ADAMTS19: variants seen among roughly 807,000 people sequenced by gnomAD.
The protein encoded by ADAMTS19 is ADAM metallopeptidase with thrombospondin type 1 motif 19.
Under a neutral mutation model 153.3 loss-of-function variants are expected in ADAMTS19, and 93 were observed. The ratio of observed to expected loss-of-function variants is 0.61; its 90% CI spans 0.51 to 0.72. ADAMTS19 has a LOEUF of 0.72. Ranked by LOEUF, ADAMTS19 falls within the 30% of genes least tolerant of loss-of-function variation. The pLI, the probability that ADAMTS19 is intolerant of heterozygous loss-of-function variation, is 0.00. For synonymous variants in ADAMTS19, 600 were observed against 556.6 expected (o/e 1.08, Z -1.10); for missense variants, 1,482 against 1,552.1 (o/e 0.95, Z 0.76).
In ADAMTS19 at chr5:129,622,193, G is replaced by A. The variant is rs747937132; in HGVS notation, c.1620-5G>A. ...AAAAGTTTACACATACCTGCCTATTGCCAGGTCAAAGGCCAGTAACTGCTT... is the reference window on the plus strand; with the variant it reads ...AAAAGTTTACACATACCTGCCTATTACCAGGTCAAAGGCCAGTAACTGCTT... On this transcript the variant is annotated splice_region_variant and splice_polypyrimidine_tract_variant and intron_variant, in intron 9 of 22. Coordinates refer to ENST00000274487, the MANE Select transcript of ADAMTS19 (RefSeq NM_133638.6). 4 of 1,613,900 alleles carry A rather than the reference G, an allele frequency of 2.5e-6. No individual in the cohort carries two copies. In the East Asian group the frequency reaches 8.9e-5, roughly 36 times the overall value.
chr5:129,460,980 C>A lies in ADAMTS19; in HGVS notation c.92-122C>A, dbSNP rs1749626924. Reference sequence around the variant, plus strand: ...GGGTTGCAGAGTTTCAGGGTCTAGACGGGTGGTCTCCATTGCATTCAACGC... The same window carrying A: ...GGGTTGCAGAGTTTCAGGGTCTAGAAGGGTGGTCTCCATTGCATTCAACGC... On this transcript the variant is annotated intron_variant, in intron 1 of 22. Transcript: ENST00000274487. 5 of 1,235,272 alleles carry A rather than the reference C, an allele frequency of 4.0e-6. No homozygotes were observed. The Admixed American group carries it at 2.0e-4, about 50-fold the overall frequency. 76.5% of individuals were successfully genotyped at this position (1,235,272 alleles called of 1,614,324 possible).
intron 15 of ADAMTS19, among the ~76,000 whole-genome samples, chr5:129,659,714 G>A (rs569048918): frequency 6.6e-6 from 1 of 151,994 alleles, no homozygotes; most frequent in Admixed American, 6.6e-5. Context: ...CCAAGTAGCC[G>A]GGACTAGAGG....
In ADAMTS19 at chr5:129,625,102, C is replaced by T. The variant is rs555581475; in HGVS notation, c.1770+2754C>T. ...AACATGGGTTGTTTGGTTTTCTGACCTTGCAATAGTTTGCTCAGAATGATG... is the reference window on the plus strand; with the variant it reads ...AACATGGGTTGTTTGGTTTTCTGACTTTGCAATAGTTTGCTCAGAATGATG... On this transcript the variant is annotated intron_variant, in intron 10 of 22. Coordinates refer to ENST00000274487, the MANE Select transcript of ADAMTS19 (RefSeq NM_133638.6). Among the ~76,000 whole-genome samples, 41 of 152,108 alleles carry T rather than the reference C, an allele frequency of 2.7e-4. 1 individual carries two copies. In the South Asian group the frequency reaches 8.5e-3, roughly 32 times the overall value.
chr5:129,578,041 TAC>T (rs748371915), intron 7 of ADAMTS19, among the ~76,000 whole-genome samples: 22,054 of 98,422 alleles, frequency 0.22, 3,090 homozygotes, highest in East Asian at 0.35. Flanking sequence ...CAAACTTACA[TAC>T]ACACACACAC....
At chr5:129,589,570 T>TGTA (rs1412641943) in intron 7 of ADAMTS19, among the ~76,000 whole-genome samples, 1 of 152,104 alleles carries the variant, frequency 6.6e-6, no homozygotes, top group Non-Finnish European at 1.5e-5. Flanking sequence ...CACCAATAAT[T>TGTA]GTATATGAAG....
At chr5:129,685,292 G>A (rs1314303587) in intron 18 of ADAMTS19, among the ~76,000 whole-genome samples, 2 of 151,924 alleles carry the variant, frequency 1.3e-5, no homozygotes, top group African/African-American at 4.8e-5. Flanking sequence ...ATTGAAACTT[G>A]GGGTATGCCA....
intron 18 of ADAMTS19, among the ~76,000 whole-genome samples, chr5:129,684,741 A>G (rs1372906270): frequency 6.6e-6 from 1 of 152,018 alleles, no homozygotes; most frequent in Admixed American, 6.6e-5. Flanking sequence ...TAATCCCAGC[A>G]CTCTGGGAGG....
chr5:129,543,504 C>T (rs1242325116), intron 6 of ADAMTS19, among the ~76,000 whole-genome samples: 1 of 152,170 alleles, frequency 6.6e-6, no homozygotes, highest in Non-Finnish European at 1.5e-5. Context: ...TGTAACATTA[C>T]ATTATGTCTA....
intron 3 of ADAMTS19, among the ~76,000 whole-genome samples, chr5:129,524,797 ACAGATATCTCCCTTGTGCCCATGCC>A (rs1751949233): frequency 6.6e-6 from 1 of 151,704 alleles, no homozygotes; most frequent in Non-Finnish European, 1.5e-5. Flanking sequence ...TATCAACACC[ACAGATATCTCCCTTGTGCCCATGCC>A]CAGGCTCTAA....
At chr5:129,676,461 A>G (rs775573816) in intron 16 of ADAMTS19, among the ~76,000 whole-genome samples, 2 of 152,084 alleles carry the variant, frequency 1.3e-5, no homozygotes, top group Non-Finnish European at 2.9e-5. Flanking sequence ...AACTCACTGA[A>G]GCCCTCGCCC....
chr5:129,545,168 T>A (rs890428623), intron 6 of ADAMTS19, among the ~76,000 whole-genome samples: 3 of 151,780 alleles, frequency 2.0e-5, no homozygotes, highest in East Asian at 1.9e-4. Flanking sequence ...AAATAAAAAA[T>A]TTCAAAATAT....
chr5:129,694,365 A>G (rs190467479), intron 18 of ADAMTS19, among the ~76,000 whole-genome samples: 1 of 152,264 alleles, frequency 6.6e-6, no homozygotes, highest in East Asian at 1.9e-4. Flanking sequence ...AGTTGATGGA[A>G]GAAATAAGAC....
intron 13 of ADAMTS19, among the ~76,000 whole-genome samples, chr5:129,653,958 A>T (rs181282617): frequency 1.8e-4 from 27 of 152,306 alleles, no homozygotes; most frequent in Admixed American, 1.3e-3. Flanking sequence ...GATGAAGAGG[A>T]TATCATTTCA....
At chr5:129,711,880 C>T (rs1018401102) in intron 21 of ADAMTS19, among the ~76,000 whole-genome samples, 1 of 152,030 alleles carries the variant, frequency 6.6e-6, no homozygotes, top group Admixed American at 6.6e-5. Context: ...AGTATTTCTC[C>T]TTTCTTTCTG....
chr5:129,632,655 A>G (rs1752353227), intron 10 of ADAMTS19, among the ~76,000 whole-genome samples: 1 of 151,910 alleles, frequency 6.6e-6, no homozygotes, highest in African/African-American at 2.4e-5. Context: ...ATATATTTTC[A>G]CTAGATATAA....
intron 2 of ADAMTS19, among the ~76,000 whole-genome samples, chr5:129,506,049 G>C (rs1300823576): frequency 1.3e-5 from 2 of 152,198 alleles, no homozygotes; most frequent in Non-Finnish European, 2.9e-5. Context: ...CACTTGTGCA[G>C]AAAGGTTAAT....
chr5:129,482,819 C>T (rs373342556), intron 2 of ADAMTS19, among the ~76,000 whole-genome samples: 2 of 152,068 alleles, frequency 1.3e-5, no homozygotes, highest in African/African-American at 4.8e-5. Context: ...ATGCTCAGTC[C>T]CATGTCACAT....
rs1554095133 is a variant in ADAMTS19, at chr5:129,578,041, T to TACACACATAC, written c.1373-18511_1373-18510insTACACACACA. Among the ~76,000 whole-genome samples the TACACACATAC allele has an allele frequency of 1.5e-4, 15 of 98,614 alleles. 1 individual carries two copies. The East Asian group carries it at 4.4e-3, about 29-fold the overall frequency. The allele number at this position is 98,614 out of a possible 152,430, so 64.7% of individuals were successfully genotyped here. A position where few individuals can be genotyped will look rare whatever the true frequency, so the allele number is the denominator to read the frequency against. Reference sequence around the variant, plus strand: ...GAATTTATTGATTTTCAAACTTACATACACACACACACACACACACACACA... The same window carrying TACACACATAC: ...GAATTTATTGATTTTCAAACTTACATACACACATACACACACACACACACACACACACACA... On this transcript the variant is annotated intron_variant, in intron 7 of 22. Coordinates refer to ENST00000274487, the MANE Select transcript of ADAMTS19 (RefSeq NM_133638.6).
chr5:129,667,222 G>C (rs1289296023), intron 16 of ADAMTS19, among the ~76,000 whole-genome samples: 1 of 152,144 alleles, frequency 6.6e-6, no homozygotes, highest in Admixed American at 6.6e-5. Flanking sequence ...TCTTTTGTGA[G>C]GTCTTCAGCC....
Sources: allele counts gnomAD v4.1 joint callset (sites outside exome capture counted in the v4.1 genomes callset), GRCh38; gene constraint gnomAD v4.1.1; transcripts MANE v1.5; gene names NCBI Gene and HGNC (gene_info 2026-07-23, HGNC 2026-07-21).